XRN1: variants seen among roughly 807,000 people sequenced by gnomAD.
XRN1 encodes the protein strand-exchange protein 1 homolog.
In XRN1, 67 loss-of-function variants were observed where a neutral mutation model predicts 222.3. The observed-to-expected ratio is 0.30, with a 90% CI of 0.25 to 0.37. The LOEUF (loss-of-function observed/expected upper bound fraction) is 0.37, where lower values mean the gene tolerates loss of function less well. XRN1 is among the 10% of genes least tolerant of loss of function. The pLI is 1.00. For synonymous variants in XRN1, 643 were observed against 652.4 expected (o/e 0.99, Z 0.22); for missense variants, 1,707 against 2,000.2 (o/e 0.85, Z 2.80).
chr3:142,347,753 G>A (rs774611865), intron 32 of XRN1, among the ~76,000 whole-genome samples: 1 of 151,458 alleles, frequency 6.6e-6, no homozygotes, highest in Non-Finnish European at 1.5e-5. Context: ...GAGTACCATC[G>A]TGCCTGGCTA....
intron 34 of XRN1, 106 bp downstream of exon 34, chr3:142,335,342 C>T: frequency 9.5e-7 from 1 of 1,049,048 alleles, no homozygotes; most frequent in Non-Finnish European, 1.5e-6. Context: ...TGGCCACACA[C>T]CTTATAAATT....
At chr3:142,332,715 G>A (rs746067708) in intron 35 of XRN1, 181 bp from the exon 36 acceptor site, 3 of 703,926 alleles carry the variant, frequency 4.3e-6, no homozygotes, top group Non-Finnish European at 6.4e-6. Flanking sequence ...ATACAGAAAC[G>A]ATACTTATCC....
At chr3:142,384,812 G>A (rs369558122) in intron 20 of XRN1, 127 bp from the exon 21 acceptor site, 8 of 687,698 alleles carry the variant, frequency 1.2e-5, no homozygotes, top group Middle Eastern at 4.3e-4. Context: ...AAATAAATAC[G>A]CTAGCAGTTC....
chr3:142,315,677 T>C (rs1370281549), intron 39 of XRN1, among the ~76,000 whole-genome samples: 1 of 151,660 alleles, frequency 6.6e-6, no homozygotes, highest in Non-Finnish European at 1.5e-5. Context: ...CCCAGCTAAT[T>C]TTAGAATTTT....
chr3:142,373,694 A>C (rs2067054195), intron 25 of XRN1, among the ~76,000 whole-genome samples: 1 of 152,216 alleles, frequency 6.6e-6, no homozygotes, highest in Non-Finnish European at 1.5e-5. Context: ...TGGTTTCAAA[A>C]TTCTGAGGGA....
At chr3:142,327,065 C>T (rs2065537157) in intron 37 of XRN1, among the ~76,000 whole-genome samples, 1 of 152,000 alleles carries the variant, frequency 6.6e-6, no homozygotes. Context: ...GATATATCGG[C>T]CTGTAGTTCT....
chr3:142,340,818 T>A (rs2107786480), intron 33 of XRN1, among the ~76,000 whole-genome samples: 1 of 152,216 alleles, frequency 6.6e-6, no homozygotes, highest in Non-Finnish European at 1.5e-5. Context: ...TAATAGTATA[T>A]CTGACAAAAA....
intron 18 of XRN1, among the ~76,000 whole-genome samples, chr3:142,402,015 A>G (rs1036604390): frequency 6.6e-6 from 1 of 152,064 alleles, no homozygotes; most frequent in Non-Finnish European, 1.5e-5. Flanking sequence ...CCTCTCCACC[A>G]TTTATAACTG....
chr3:142,339,752 G>GT (rs1190265961), intron 33 of XRN1, among the ~76,000 whole-genome samples: 2 of 151,790 alleles, frequency 1.3e-5, no homozygotes, highest in Admixed American at 6.6e-5. Context: ...GCAGTGAGAC[G>GT]TAATAGTACC....
At chr3:142,440,863 C>T (rs1486240843) in intron 1 of XRN1, among the ~76,000 whole-genome samples, 1 of 152,162 alleles carries the variant, frequency 6.6e-6, no homozygotes, top group Non-Finnish European at 1.5e-5. Context: ...TCGAACCCAA[C>T]GTCTTAACTC....
chr3:142,404,763 C>T, intron 16 of XRN1, 144 bp downstream of exon 16: 1 of 722,168 alleles, frequency 1.4e-6, no homozygotes, highest in South Asian at 1.8e-5. Context: ...TTAGATGTAA[C>T]TCATTGATTA....
Position 142,431,909 on chromosome 3 carries a change from TATAAA to T in XRN1, c.308+747_308+751del, listed in dbSNP as rs1225159598. Among the ~76,000 whole-genome samples, 106 of 36,206 alleles carry T rather than the reference TATAAA, an allele frequency of 2.9e-3. 1 individual carries two copies. Among genetic ancestry groups the T allele is most frequent in the African/African-American group, 0.022 (101 of 4,670 alleles). 23.8% of individuals were successfully genotyped at this position (36,206 alleles called of 152,430 possible). A position where few individuals can be genotyped will look rare whatever the true frequency, so the allele number is the denominator to read the frequency against. On this transcript the variant is annotated intron_variant, in intron 2 of 40. Coordinates refer to ENST00000392981, the MANE Select transcript of XRN1 (RefSeq NM_001282857.2). ...TTATATATAATATATATATTATATA[TATAAA>T]TATATATAATATAATATATTGTATA...
At chr3:142,397,294 G>C (rs758819806) in intron 20 of XRN1, 35 bp downstream of exon 20, 1 of 1,529,364 alleles carries the variant, frequency 6.5e-7, no homozygotes, top group East Asian at 2.3e-5. Context: ...ACGGATTTTA[G>C]TTCCATGATA....
In XRN1 at chr3:142,383,373, G is replaced by A; in HGVS notation, c.2543C>T (p.Thr848Ile). The A allele has an allele frequency of 6.2e-7, 1 of 1,613,900 alleles. No individual in the cohort carries two copies. ...TCTCAGAGGAAACAAATCATCCAAT[G>A]TTTTGATATTGGAGAAACGGGAGTC... ...AFDSRFSNIKTLDDLFPLRSM... is the reference protein window; with the variant it reads ...AFDSRFSNIKILDDLFPLRSM... Residue 848 changes from threonine to isoleucine, a missense_variant, in exon 22 of 41, where the codon ACA (threonine) becomes ATA (isoleucine). Around this residue, in one of 2 missense-constraint regions of XRN1, gnomAD observed 1,234 missense variants for 1,518.2 expected, o/e 0.81. Coordinates refer to ENST00000392981, the MANE Select transcript of XRN1 (RefSeq NM_001282857.2).
chr3:142,443,034 A>C (rs1210781423), intron 1 of XRN1, among the ~76,000 whole-genome samples: 4 of 152,150 alleles, frequency 2.6e-5, no homozygotes, highest in African/African-American at 9.7e-5. Flanking sequence ...CGCCCGGCCC[A>C]ATCCCTGTAT....
At chr3:142,394,984 T>C (rs2067873684) in intron 20 of XRN1, among the ~76,000 whole-genome samples, 1 of 152,244 alleles carries the variant, frequency 6.6e-6, no homozygotes. Flanking sequence ...TAGTAGAACA[T>C]ATCTTAGTTA....
chr3:142,334,801 C>CA (rs57048667), intron 34 of XRN1, among the ~76,000 whole-genome samples: 1 of 144,718 alleles, frequency 6.9e-6, no homozygotes, highest in African/African-American at 2.7e-5. Flanking sequence ...CACACACACA[C>CA]AAAAGACCAT....
chr3:142,435,457 A>G (rs1245761625), intron 1 of XRN1: 1 of 150,494 alleles, frequency 6.6e-6, no homozygotes, highest in Non-Finnish European at 1.5e-5. Flanking sequence ...ATACTGAAAT[A>G]TAAGAAAAAG....
At chr3:142,398,354 C>A (rs1706297383) in intron 19 of XRN1, among the ~76,000 whole-genome samples, 1 of 151,168 alleles carries the variant, frequency 6.6e-6, no homozygotes, top group South Asian at 2.1e-4. Context: ...ATGAAGTATG[C>A]ATTATCTACA....
Sources: allele counts gnomAD v4.1 joint callset (sites outside exome capture counted in the v4.1 genomes callset), GRCh38; gene constraint gnomAD v4.1.1; regional missense constraint gnomAD v4.1.1; transcripts MANE v1.5; gene names NCBI Gene and HGNC (gene_info 2026-07-23, HGNC 2026-07-21).